CLECL1: variants seen among roughly 807,000 people sequenced by gnomAD.
CLECL1 encodes the protein C-type lectin-like domain family 1.
At chr12:9,733,101 G>T (rs760774428), upstream of CLECL1, 1 of 1,578,250 alleles carries the variant, frequency 6.3e-7, no homozygotes, top group East Asian at 2.3e-5. Context: ...TTTCTGCAAA[G>T]AAACTTCTGA....
the CLECL1 span, among the ~76,000 whole-genome samples, chr12:9,709,551 G>C: frequency 6.6e-6 from 1 of 152,268 alleles, no homozygotes; most frequent in South Asian, 2.1e-4. Context: ...GAACTCTCTT[G>C]AAAAGACATT....
At chr12:9,726,528 C>A (rs1388338745) in intron 3 of CLECL1, among the ~76,000 whole-genome samples, 1 of 151,876 alleles carries the variant, frequency 6.6e-6, no homozygotes, top group Non-Finnish European at 1.5e-5. Flanking sequence ...TAATTTGAGT[C>A]CCAGAAGGAA....
chr12:9,702,530 G>A, the CLECL1 span, among the ~76,000 whole-genome samples: 3 of 152,128 alleles, frequency 2.0e-5, no homozygotes, highest in African/African-American at 7.2e-5. Context: ...TTCTCATTTT[G>A]GTCTGTGATC....
chr12:9,731,250 C>T (rs1277074636), intron 1 of CLECL1, among the ~76,000 whole-genome samples: 9 of 152,146 alleles, frequency 5.9e-5, no homozygotes, highest in Admixed American at 5.2e-4. Context: ...ATACATTCAT[C>T]GTCTAATGCG....
At chr12:9,726,256 GAAAT>G (rs1476347686) in intron 3 of CLECL1, among the ~76,000 whole-genome samples, 19 of 150,076 alleles carry the variant, frequency 1.3e-4, no homozygotes, top group African/African-American at 4.7e-4. Context: ...AATAAAAGAA[GAAAT>G]AAAAACATCA....
At chr12:9,728,637 G>A (rs1018190076) in intron 2 of CLECL1, among the ~76,000 whole-genome samples, 2 of 151,790 alleles carry the variant, frequency 1.3e-5, no homozygotes, top group Non-Finnish European at 3.0e-5. Context: ...AACTATTTTA[G>A]TAACAAGAAA....
chr12:9,720,445 C>A (rs1395733720), downstream of CLECL1, among the ~76,000 whole-genome samples: 1 of 151,016 alleles, frequency 6.6e-6, no homozygotes, highest in African/African-American at 2.4e-5. Flanking sequence ...CAGGTTCAAG[C>A]GATTCTCCTG....
At chr12:9,708,755 G>T in the CLECL1 span, 1 of 163,376 alleles carries the variant, frequency 6.1e-6, no homozygotes, top group Non-Finnish European at 1.3e-5. Context: ...CAAGGTCACT[G>T]GGTCTCAGGG....
chr12:9,725,141 C>G (rs750095120), intron 3 of CLECL1, among the ~76,000 whole-genome samples: 15 of 152,198 alleles, frequency 9.9e-5, no homozygotes, highest in Admixed American at 5.2e-4. Flanking sequence ...CCCTTGACAA[C>G]AGATAATCAC....
chr12:9,730,011 A>T (rs1347323284), intron 1 of CLECL1, among the ~76,000 whole-genome samples: 3 of 152,104 alleles, frequency 2.0e-5, no homozygotes, highest in Admixed American at 1.3e-4. Flanking sequence ...ACACCCATTT[A>T]TTTGAGCTGA....
rs755812753 is a variant in CLECL1 at position 9,730,377 on chromosome 12, T to A, written n.83-701A>T. Among the ~76,000 whole-genome samples the A allele has an allele frequency of 2.6e-5, 4 of 152,314 alleles. No individual in the cohort carries two copies. In the South Asian group the frequency reaches 8.3e-4, roughly 32 times the overall value. On this transcript the variant is annotated intron_variant and non_coding_transcript_variant, in intron 1 of 3. Transcript: ENST00000621400. ...CTGGTACATAAAAGTTACAGTACATTGTTTCCACTAGATATGTGACCTAAA... is the reference window on the plus strand; with the variant it reads ...CTGGTACATAAAAGTTACAGTACATAGTTTCCACTAGATATGTGACCTAAA...
chr12:9,722,837 T>C, intron 3 of CLECL1, 24 bp from the exon 2 acceptor site: 1 of 1,552,114 alleles, frequency 6.4e-7, no homozygotes, highest in East Asian at 2.3e-5. Flanking sequence ...AGATAAGCAA[T>C]TAAAATCAAT....
At chr12:9,706,169 G>T in the CLECL1 span, among the ~76,000 whole-genome samples, 4 of 152,206 alleles carry the variant, frequency 2.6e-5, no homozygotes, top group African/African-American at 7.2e-5. Context: ...CCTGTTGCTG[G>T]TGTGTAGGAA....
exon 3 of CLECL1, chr12:9,716,689 G>T: frequency 2.4e-6 from 2 of 849,080 alleles, no homozygotes; most frequent in Non-Finnish European, 3.2e-6. Flanking sequence ...AGACCCCAGA[G>T]ACAGACATAT....
intron 1 of CLECL1, among the ~76,000 whole-genome samples, chr12:9,731,877 G>A (rs1027280752): frequency 6.6e-6 from 1 of 152,142 alleles, no homozygotes; most frequent in African/African-American, 2.4e-5. Flanking sequence ...CTTAAACTGA[G>A]TAAAATAACC....
chr12:9,724,318 T>G (rs1866351512), intron 3 of CLECL1, among the ~76,000 whole-genome samples: 1 of 152,078 alleles, frequency 6.6e-6, no homozygotes, highest in Non-Finnish European at 1.5e-5. Context: ...TAATCTCAAA[T>G]GCCTTACATG....
At chr12:9,712,792 C>T (rs945707162), downstream of CLECL1, among the ~76,000 whole-genome samples, 3 of 151,728 alleles carry the variant, frequency 2.0e-5, no homozygotes, top group Non-Finnish European at 2.9e-5. Context: ...TTTTTTTAAT[C>T]GATTGATAGA....
At chr12:9,731,060 T>C (rs1866441170) in intron 1 of CLECL1, among the ~76,000 whole-genome samples, 1 of 152,198 alleles carries the variant, frequency 6.6e-6, no homozygotes, top group Admixed American at 6.5e-5. Flanking sequence ...TCAGATTTCA[T>C]AAAAAGACTA....
At chr12:9,723,932 G>C (rs1426842889) in intron 3 of CLECL1, among the ~76,000 whole-genome samples, 1 of 152,024 alleles carries the variant, frequency 6.6e-6, no homozygotes. Context: ...TCACGTCTGT[G>C]ATCCCAACAC....
Sources: allele counts gnomAD v4.1 joint callset (sites outside exome capture counted in the v4.1 genomes callset), GRCh38; gene constraint gnomAD v4.1.1; transcripts MANE v1.5; gene names NCBI Gene and HGNC (gene_info 2026-07-23, HGNC 2026-07-21).